NDST4: variants seen among roughly 807,000 people sequenced by gnomAD.
NDST4 encodes N-deacetylase and N-sulfotransferase 4.
In NDST4, 63 loss-of-function variants were observed where a neutral mutation model predicts 100.8. The ratio of observed to expected loss-of-function variants is 0.62; its 90% confidence interval spans 0.51 to 0.77. The LOEUF (loss-of-function observed/expected upper bound fraction) is 0.77. NDST4 is among the 30% of genes least tolerant of loss of function. The pLI is 0.00. For missense variants in NDST4, 943 were observed against 1,018.4 expected (o/e 0.93, Z 1.01); for synonymous variants, 377 against 361.8 (o/e 1.04, Z -0.48).
At chr4:114,986,828 A>ATTTTTT (rs1192536720) in intron 2 of NDST4, among the ~76,000 whole-genome samples, 35 of 112,866 alleles carry the variant, frequency 3.1e-4, no homozygotes, top group Non-Finnish European at 5.1e-4. Context: ...ATATATATAT[A>ATTTTTT]TATATTTTAA....
chr4:114,963,237 C>A (rs1726303292), intron 4 of NDST4, among the ~76,000 whole-genome samples: 2 of 152,014 alleles, frequency 1.3e-5, no homozygotes, highest in Non-Finnish European at 2.9e-5. Flanking sequence ...TACAATGAGA[C>A]ATTATTTGTC....
chr4:114,857,978 G>A (rs1723834996), intron 7 of NDST4, among the ~76,000 whole-genome samples: 1 of 152,140 alleles, frequency 6.6e-6, no homozygotes. Context: ...AGAGCAGTAT[G>A]ATTCAGCCAG....
At chr4:114,860,643 G>A (rs765982485) in intron 7 of NDST4, among the ~76,000 whole-genome samples, 21 of 152,268 alleles carry the variant, frequency 1.4e-4, no homozygotes, top group African/African-American at 4.3e-4. Flanking sequence ...ATCATGTGGC[G>A]TGGAACTGTC....
chr4:115,038,609 A>G (rs1728283650), intron 2 of NDST4, among the ~76,000 whole-genome samples: 1 of 152,182 alleles, frequency 6.6e-6, no homozygotes, highest in African/African-American at 2.4e-5. Flanking sequence ...ATTTATTTTC[A>G]AAGAAGTAAA....
intron 4 of NDST4, among the ~76,000 whole-genome samples, chr4:114,946,971 T>C (rs758165634): frequency 2.0e-5 from 3 of 152,272 alleles, no homozygotes; most frequent in Non-Finnish European, 2.9e-5. Context: ...GGTTTTTTTT[T>C]TGTTGGTCGA....
chr4:115,033,153 ATATATT>A (rs1216359941), intron 2 of NDST4, among the ~76,000 whole-genome samples: 16 of 75,614 alleles, frequency 2.1e-4, no homozygotes, highest in East Asian at 1.6e-3. Context: ...ATATATATAT[ATATATT>A]TTTTTTTTTT....
chr4:114,914,600 G>A (rs948043332), intron 6 of NDST4, among the ~76,000 whole-genome samples: 1 of 152,168 alleles, frequency 6.6e-6, no homozygotes, highest in African/African-American at 2.4e-5. Context: ...GGGACTGTGT[G>A]TAGACTATGG....
chr4:114,844,625 C>CA (rs1345923878), intron 10 of NDST4, among the ~76,000 whole-genome samples: 1 of 152,204 alleles, frequency 6.6e-6, no homozygotes, highest in Non-Finnish European at 1.5e-5. Context: ...CCTCACAGTA[C>CA]ATTCACAATG....
intron 13 of NDST4, among the ~76,000 whole-genome samples, chr4:114,828,171 G>A (rs975629530): frequency 1.3e-5 from 2 of 151,862 alleles, no homozygotes; most frequent in Non-Finnish European, 2.9e-5. Context: ...CTGTCATTAC[G>A]GCACATATTT....
chr4:114,950,841 C>T (rs115704221), intron 4 of NDST4, among the ~76,000 whole-genome samples: 2,249 of 150,844 alleles, frequency 0.015, 64 homozygotes, highest in African/African-American at 0.051. Context: ...TTTGTGGCTG[C>T]ACCGTGTTCT....
At chr4:114,927,205 ATTAAC>A (rs1157249299) in intron 6 of NDST4, among the ~76,000 whole-genome samples, 1 of 141,320 alleles carries the variant, frequency 7.1e-6, no homozygotes, top group Admixed American at 6.9e-5. Context: ...AGTATTTAAA[ATTAAC>A]TTGATTTGTG....
intron 6 of NDST4, among the ~76,000 whole-genome samples, chr4:114,930,663 A>C (rs978399954): frequency 2.0e-5 from 3 of 152,158 alleles, no homozygotes; most frequent in African/African-American, 7.2e-5. Context: ...TTCTTCCATG[A>C]AACAAAGTGG....
chr4:114,878,319 T>C (rs1337506397), intron 6 of NDST4, among the ~76,000 whole-genome samples: 1 of 152,210 alleles, frequency 6.6e-6, no homozygotes, highest in African/African-American at 2.4e-5. Context: ...AGTTGATGTT[T>C]TAACATCCCA....
chr4:114,867,665 C>CAAAAAAAAAAAAAAAAAAAGAA, intron 7 of NDST4, among the ~76,000 whole-genome samples: 34 of 79,882 alleles, frequency 4.3e-4, no homozygotes, highest in South Asian at 5.7e-4. Flanking sequence ...AAAAAAAAAG[C>CAAAAAAAAAAAAAAAAAAAGAA]AAAAAAAAAA....
intron 2 of NDST4, among the ~76,000 whole-genome samples, chr4:114,988,402 C>T (rs1387315059): frequency 3.4e-5 from 4 of 119,356 alleles, no homozygotes; most frequent in Admixed American, 3.3e-4. Flanking sequence ...CGATCTGTAG[C>T]CCAGGCTGGA....
chr4:115,005,591 G>T (rs1406520564), intron 2 of NDST4, among the ~76,000 whole-genome samples: 4 of 152,038 alleles, frequency 2.6e-5, no homozygotes, highest in Non-Finnish European at 4.4e-5. Context: ...ATAGTCCAGT[G>T]GGAAAAGGCA....
chr4:115,008,954 A>C (rs1419187130), intron 2 of NDST4, among the ~76,000 whole-genome samples: 1 of 128,122 alleles, frequency 7.8e-6, no homozygotes, highest in African/African-American at 3.0e-5. Context: ...AGAGAATAAA[A>C]TACCTAGGAA....
intron 1 of NDST4, among the ~76,000 whole-genome samples, chr4:115,107,492 G>T (rs1217078602): frequency 6.6e-6 from 1 of 151,930 alleles, no homozygotes; most frequent in Non-Finnish European, 1.5e-5. Context: ...TTTTCTACAA[G>T]ATAAAATAAT....
intron 6 of NDST4, among the ~76,000 whole-genome samples, chr4:114,927,967 A>G (rs910366697): frequency 6.6e-6 from 1 of 152,176 alleles, no homozygotes; most frequent in Non-Finnish European, 1.5e-5. Flanking sequence ...GATTTCATGG[A>G]TGTTGAACAC....
Sources: gnomAD v4.1 joint callset for allele counts (sites outside exome capture counted in the v4.1 genomes callset) on GRCh38, gnomAD v4.1.1 for gene constraint, MANE v1.5 for transcripts, NCBI Gene and HGNC (gene_info 2026-07-23, HGNC 2026-07-21) for gene names.